Variants in LRRC1 observed in about 807,000 individuals in gnomAD.
LRRC1 encodes leucine rich repeat containing 1.
Under a neutral mutation model 69.9 loss-of-function variants are expected in LRRC1, and 28 were observed. The observed-to-expected ratio is 0.40, with a 90% CI of 0.30 to 0.55. The LOEUF is 0.55. LRRC1 is among the 20% of genes least tolerant of loss of function. The pLI, the probability that LRRC1 is intolerant of heterozygous loss-of-function variation, is 0.47. For missense variants in LRRC1, 498 were observed against 609.0 expected, an observed-to-expected ratio of 0.82 and a Z score of 1.92; for synonymous variants, 236 against 240.2, an observed-to-expected ratio of 0.98 and a Z score of 0.16.
At chr6:53,796,160 G>C (rs1365276490) in intron 1 of LRRC1, among the ~76,000 whole-genome samples, 6 of 152,252 alleles carry the variant, frequency 3.9e-5, no homozygotes, top group Non-Finnish European at 5.9e-5. Context: ...GCCTTTCCCG[G>C]AGCGGGCACA....
chr6:53,883,898 G>T lies in LRRC1; in HGVS notation c.446+922G>T, dbSNP rs1001871353. 8 of 717,496 alleles carry T rather than the reference G, an allele frequency of 1.1e-5. No homozygotes were observed. The East Asian group carries it at 1.3e-4, about 12-fold the overall frequency. 44.4% of individuals were successfully genotyped at this position (717,496 alleles called of 1,614,324 possible). On this transcript the variant is annotated intron_variant, in intron 4 of 13. Transcript: ENST00000370888. ...TTTTGCAAAAGTTCTCTTTCCAGAG[G>T]TTTATAAGAATATTTGCAGACAGCT...
intron 1 of LRRC1, among the ~76,000 whole-genome samples, chr6:53,811,465 G>A (rs1308562924): frequency 1.3e-5 from 2 of 152,230 alleles, no homozygotes; most frequent in Non-Finnish European, 2.9e-5. Flanking sequence ...TTGTCTATTA[G>A]TTGGGGTGTT....
intron 4 of LRRC1, 44 bp downstream of exon 4, chr6:53,883,020 G>A (rs1341320542): frequency 8.2e-7 from 1 of 1,226,482 alleles, no homozygotes; most frequent in Non-Finnish European, 1.2e-6. Flanking sequence ...GTGAAAGGGG[G>A]TTTATATCAT....
At chr6:53,809,727 C>T (rs1485754504) in intron 1 of LRRC1, among the ~76,000 whole-genome samples, 3 of 152,194 alleles carry the variant, frequency 2.0e-5, no homozygotes. Context: ...GGTTTCAATT[C>T]ACTGGTAGTT....
At chr6:53,832,241 C>T (rs1438772784) in intron 1 of LRRC1, among the ~76,000 whole-genome samples, 3 of 152,004 alleles carry the variant, frequency 2.0e-5, no homozygotes, top group Non-Finnish European at 4.4e-5. Flanking sequence ...GCAGTTTGTG[C>T]CTCATTATGA....
chr6:53,798,498 C>T (rs1040314803), intron 1 of LRRC1, among the ~76,000 whole-genome samples: 11 of 152,220 alleles, frequency 7.2e-5, no homozygotes, highest in Non-Finnish European at 1.3e-4. Flanking sequence ...CCTGCCTCAG[C>T]CTCTCGAGTA....
At chr6:53,801,163 A>G (rs564736754) in intron 1 of LRRC1, among the ~76,000 whole-genome samples, 1 of 152,298 alleles carries the variant, frequency 6.6e-6, no homozygotes, top group South Asian at 2.1e-4. Context: ...GTTAGACAAA[A>G]GTGTTGGGTA....
intron 1 of LRRC1, among the ~76,000 whole-genome samples, chr6:53,811,846 C>T (rs765345819): frequency 1.3e-5 from 2 of 152,242 alleles, no homozygotes; most frequent in African/African-American, 4.8e-5. Flanking sequence ...ATCTGACAGG[C>T]CCTGTCGATT....
At chr6:53,795,904 C>G (rs1186201743) in intron 1 of LRRC1, among the ~76,000 whole-genome samples, 1 of 152,244 alleles carries the variant, frequency 6.6e-6, no homozygotes, top group Non-Finnish European at 1.5e-5. Context: ...GCGGGCCGCA[C>G]TATCTCGGCA....
rs1415393021 is a variant in LRRC1 at position 53,795,349 on chromosome 6, C to A, written c.93C>A (p.Ile31=). 1 of 1,613,866 alleles carries A rather than the reference C, an allele frequency of 6.2e-7. No individual in the cohort carries two copies. The highest frequency in any genetic ancestry group is 8.5e-7 in the Non-Finnish European group (1 of 1,179,978). ...HCSLVYVPEE[I]YRYARSLEEL... ...CGCTGGTCTACGTCCCCGAGGAGAT[C>A]TACCGCTATGCCCGGAGCCTGGAGG... The change falls in exon 1 of 14, where the codon ATC becomes ATA. Residue 31 remains isoleucine (I), a synonymous_variant. Transcript: ENST00000370888.
In LRRC1 at chr6:53,807,943, G is replaced by T. The variant is rs551485265; in HGVS notation, c.159+12528G>T. On this transcript the variant is annotated intron_variant, in intron 1 of 13. Transcript: ENST00000370888. ...GGGGATGAACTTGGTGAGTTTATGGGCAGAAAGAAGGCTAGTGCAGCTGGA... is the reference window on the plus strand; with the variant it reads ...GGGGATGAACTTGGTGAGTTTATGGTCAGAAAGAAGGCTAGTGCAGCTGGA... Among the ~76,000 whole-genome samples the T allele has an allele frequency of 9.2e-5, 14 of 152,352 alleles. No individual in the cohort carries two copies. In the East Asian group the frequency reaches 2.3e-3, roughly 25 times the overall value.
chr6:53,881,862 C>T (rs2127431044), intron 3 of LRRC1, among the ~76,000 whole-genome samples: 1 of 152,242 alleles, frequency 6.6e-6, no homozygotes, highest in Admixed American at 6.5e-5. Context: ...TTCCTTCCCT[C>T]CCTAAATATG....
At chr6:53,858,133 G>A (rs1766372747) in intron 2 of LRRC1, among the ~76,000 whole-genome samples, 1 of 152,194 alleles carries the variant, frequency 6.6e-6, no homozygotes, top group Non-Finnish European at 1.5e-5. Context: ...GGACCAGGGT[G>A]GTCTCTGGCC....
chr6:53,837,610 G>A (rs554850902), intron 1 of LRRC1, among the ~76,000 whole-genome samples: 82 of 152,208 alleles, frequency 5.4e-4, no homozygotes, highest in Admixed American at 8.5e-4. Flanking sequence ...TGTAACAATG[G>A]TTTATGTTTT....
At chr6:53,828,095 C>T (rs1455920987) in intron 1 of LRRC1, among the ~76,000 whole-genome samples, 3 of 148,552 alleles carry the variant, frequency 2.0e-5, no homozygotes, top group Non-Finnish European at 4.4e-5. Context: ...GCATTCTGAG[C>T]TTCTAGCTCT....
At position 53,902,646 on chromosome 6, in the gene LRRC1, T is replaced by A; in HGVS notation, c.805T>A (p.Ser269Thr). ...TTTTACAGGAAAACTAAAGAAACTG[T>A]CAATCTTGAAGGTGGATCAGAATAG... is the stretch of plus-strand genomic sequence containing the variant. Reference protein sequence around the residue: ...PDGIGKLKKLSILKVDQNRLT... With the variant: ...PDGIGKLKKLTILKVDQNRLT... The change falls in exon 9 of 14, where the codon TCA becomes ACA. Residue 269 changes from serine to threonine, a missense_variant. Physicochemically the swap from Ser to Thr is moderately conservative, Grantham distance 58 (BLOSUM62 1). Around this residue, in one of 3 missense-constraint regions of LRRC1, gnomAD observed 266 missense variants for 383.9 expected, o/e 0.69. Coordinates refer to ENST00000370888, the MANE Select transcript of LRRC1 (RefSeq NM_018214.5). 1 of 1,594,506 alleles carries A rather than the reference T, an allele frequency of 6.3e-7. No homozygotes were observed. Among genetic ancestry groups the A allele is most frequent in the South Asian group, 1.2e-5 (1 of 85,622 alleles).
chr6:53,839,798 A>G (rs1008860193), intron 1 of LRRC1, among the ~76,000 whole-genome samples: 1 of 151,992 alleles, frequency 6.6e-6, no homozygotes, highest in Non-Finnish European at 1.5e-5. Flanking sequence ...TTCACTTTAT[A>G]TTTTCCCTGG....
chr6:53,876,166 A>G (rs1767061459), intron 2 of LRRC1, among the ~76,000 whole-genome samples: 1 of 152,172 alleles, frequency 6.6e-6, no homozygotes, highest in Non-Finnish European at 1.5e-5. Flanking sequence ...AGCAAGTCAC[A>G]TCTTATGTGG....
intron 1 of LRRC1, among the ~76,000 whole-genome samples, chr6:53,834,949 G>A (rs1166939600): frequency 3.9e-5 from 6 of 152,176 alleles, no homozygotes; most frequent in African/African-American, 1.4e-4. Flanking sequence ...GCGACAGAGC[G>A]AGACTCCGTC....
Sources: allele counts gnomAD v4.1 joint callset (sites outside exome capture counted in the v4.1 genomes callset), GRCh38; gene constraint gnomAD v4.1.1; regional missense constraint gnomAD v4.1.1; transcripts MANE v1.5; gene names NCBI Gene and HGNC (gene_info 2026-07-23, HGNC 2026-07-21).